SLC10A7: variants seen among roughly 807,000 people sequenced by gnomAD.
SLC10A7 encodes the protein sodium/bile acid cotransporter 7.
SLC10A7 carries 29 observed loss-of-function variants against 43.2 expected under a neutral mutation model. The observed-to-expected ratio is 0.67, with a 90% CI of 0.50 to 0.92. The LOEUF (loss-of-function observed/expected upper bound fraction) is 0.92. SLC10A7 is among the 40% of genes least tolerant of loss of function. SLC10A7 has a pLI of 0.00. For missense variants in SLC10A7, 295 were observed against 403.2 expected (o/e 0.73, Z 2.30); for synonymous variants, 152 against 144.8 (o/e 1.05, Z -0.35).
At chr4:146,336,891 T>A (rs1733926488) in intron 5 of SLC10A7, among the ~76,000 whole-genome samples, 1 of 152,086 alleles carries the variant, frequency 6.6e-6, no homozygotes, top group African/African-American at 2.4e-5. Flanking sequence ...ACTAATATAG[T>A]GATATATGTT....
intron 4 of SLC10A7, among the ~76,000 whole-genome samples, chr4:146,455,484 T>C (rs1367185726): frequency 6.6e-6 from 1 of 151,950 alleles, no homozygotes; most frequent in Non-Finnish European, 1.5e-5. Context: ...TTTTAGACTC[T>C]AGCTTTCTTA....
intron 9 of SLC10A7, among the ~76,000 whole-genome samples, chr4:146,288,490 C>G: frequency 6.6e-6 from 1 of 152,162 alleles, no homozygotes; most frequent in East Asian, 1.9e-4. Flanking sequence ...TTGGTTGCCC[C>G]AAACCTTGGT....
At position 146,428,559 on chromosome 4, in the gene SLC10A7, T is replaced by A. The variant is rs536023990; in HGVS notation, c.435+14224A>T. On this transcript the variant is annotated intron_variant, in intron 5 of 11. Transcript: ENST00000335472. ...ATTCTCACCTTGGCTCTTTTTTTTT[T>A]TTTATTTTCTAAGGACTTCTAATGC... Among the ~76,000 whole-genome samples, 8 of 152,160 alleles carry A rather than the reference T, an allele frequency of 5.3e-5. No homozygotes were observed. The East Asian group carries it at 1.5e-3, about 29-fold the overall frequency.
At chr4:146,479,479 T>C (rs1280047769) in intron 4 of SLC10A7, among the ~76,000 whole-genome samples, 1 of 152,160 alleles carries the variant, frequency 6.6e-6, no homozygotes, top group African/African-American at 2.4e-5. Flanking sequence ...CCCAAGTAAA[T>C]ACAAAAGAAT....
chr4:146,434,298 AT>A (rs1269474557), intron 5 of SLC10A7, among the ~76,000 whole-genome samples: 1 of 143,018 alleles, frequency 7.0e-6, no homozygotes, highest in African/African-American at 2.6e-5. Context: ...ACATATTAAA[AT>A]TACAGCAGCT....
chr4:146,421,315 TTTTTC>T (rs991117702), intron 5 of SLC10A7, among the ~76,000 whole-genome samples: 1 of 152,194 alleles, frequency 6.6e-6, no homozygotes, highest in Non-Finnish European at 1.5e-5. Context: ...AAGTTTTTCC[TTTTTC>T]TTTTGTGTTT....
intron 5 of SLC10A7, among the ~76,000 whole-genome samples, chr4:146,338,639 G>A (rs1483014121): frequency 6.6e-6 from 1 of 151,932 alleles, no homozygotes; most frequent in Non-Finnish European, 1.5e-5. Flanking sequence ...TCACTCTTGG[G>A]TGCAGAGTTA....
intron 2 of SLC10A7, chr4:146,515,208 C>G: frequency 5.7e-6 from 4 of 701,608 alleles, no homozygotes; most frequent in Non-Finnish European, 7.8e-6. Flanking sequence ...CAAGTAACAG[C>G]TGTAGCCATT....
At chr4:146,493,897 C>G (rs1735668619) in intron 4 of SLC10A7, among the ~76,000 whole-genome samples, 1 of 152,208 alleles carries the variant, frequency 6.6e-6, no homozygotes, top group South Asian at 2.1e-4. Context: ...ACTTACTAAA[C>G]TGAAAATTCT....
At chr4:146,380,504 T>G (rs1737536555) in intron 5 of SLC10A7, among the ~76,000 whole-genome samples, 1 of 152,188 alleles carries the variant, frequency 6.6e-6, no homozygotes, top group African/African-American at 2.4e-5. Flanking sequence ...CCAACATACC[T>G]TTTTAGTTTT....
At chr4:146,510,232 T>C (rs1737328718) in intron 2 of SLC10A7, among the ~76,000 whole-genome samples, 183 bp from the exon 3 acceptor site, 1 of 151,930 alleles carries the variant, frequency 6.6e-6, no homozygotes, top group African/African-American at 2.4e-5. Context: ...TCATGAAGGC[T>C]ATAAAGTATT....
At chr4:146,299,348 G>A (rs1372186614) in intron 7 of SLC10A7, among the ~76,000 whole-genome samples, 2 of 152,174 alleles carry the variant, frequency 1.3e-5, no homozygotes, top group African/African-American at 2.4e-5. Flanking sequence ...GGTAGACAAA[G>A]TCCCTGCTCT....
intron 5 of SLC10A7, among the ~76,000 whole-genome samples, chr4:146,360,431 T>C (rs1038677024): frequency 2.6e-5 from 4 of 152,088 alleles, no homozygotes; most frequent in Non-Finnish European, 5.9e-5. Context: ...TCCTCTTTCC[T>C]TTCTTCTTCT....
At chr4:146,511,003 A>C (rs1737410150) in intron 2 of SLC10A7, among the ~76,000 whole-genome samples, 1 of 152,180 alleles carries the variant, frequency 6.6e-6, no homozygotes, top group African/African-American at 2.4e-5. Context: ...TATCTCACTT[A>C]ATCCTCACAA....
chr4:146,290,625 C>T (rs1730381866), intron 9 of SLC10A7, among the ~76,000 whole-genome samples: 1 of 152,034 alleles, frequency 6.6e-6, no homozygotes, highest in Non-Finnish European at 1.5e-5. Context: ...TTTGGGGAGT[C>T]AAGGTGGGAG....
Position 146,509,938 on chromosome 4 carries a change from G to A in SLC10A7, c.295C>T (p.Pro99Ser). 1 of 1,613,570 alleles carries A rather than the reference G, an allele frequency of 6.2e-7. No individual in the cohort carries two copies. Among genetic ancestry groups the A allele is most frequent in the Non-Finnish European group, 8.5e-7 (1 of 1,179,806 alleles). The change falls in exon 3 of 12, where the codon CCC becomes TCC. Residue 99 changes from proline (P) to serine (S), a missense_variant. Pro to Ser is a moderately conservative substitution (Grantham distance 74). Coordinates refer to ENST00000335472, the MANE Select transcript of SLC10A7 (RefSeq NM_001029998.6). ...CCTTTTAAAAGCCATTCGTTGATGG[G>A]TGTGATTGATAAAAGCTGAAGAAAA... ...WLFLQLLSIT[P>S]INEWLLKGLQ...
intron 5 of SLC10A7, 123 bp downstream of exon 5, chr4:146,442,660 A>G: frequency 6.6e-7 from 1 of 1,510,090 alleles, no homozygotes; most frequent in Non-Finnish European, 8.8e-7. Flanking sequence ...CTGGCACATG[A>G]AAAGATTCAA....
At chr4:146,267,726 G>T (rs939804749) in intron 10 of SLC10A7, among the ~76,000 whole-genome samples, 2 of 152,096 alleles carry the variant, frequency 1.3e-5, no homozygotes, top group East Asian at 3.9e-4. Flanking sequence ...TTCATACAAA[G>T]AATCATATCC....
intron 5 of SLC10A7, among the ~76,000 whole-genome samples, chr4:146,414,692 CA>C (rs1327206033): frequency 6.7e-6 from 1 of 150,264 alleles, no homozygotes; most frequent in Non-Finnish European, 1.5e-5. Context: ...CACTGCATAC[CA>C]GCCTGGGAGA....
Sources: allele counts gnomAD v4.1 joint callset (sites outside exome capture counted in the v4.1 genomes callset), GRCh38; gene constraint gnomAD v4.1.1; transcripts MANE v1.5; gene names NCBI Gene and HGNC (gene_info 2026-07-23, HGNC 2026-07-21).